The following ARMC6 variants were observed in gnomAD, a reference collection of about 807,000 sequenced individuals.
The protein encoded by ARMC6 is armadillo repeat-containing protein 6.
ARMC6 carries 43 observed loss-of-function variants against 49.2 expected under a neutral mutation model. That is an observed-to-expected ratio of 0.87 (90% CI 0.69 to 1.13). ARMC6 has a LOEUF of 1.13. ARMC6 is among the 50% of genes most tolerant of loss of function. The pLI is 0.00. For missense variants in ARMC6, 627 were observed against 682.0 expected (o/e 0.92, Z 0.90); for synonymous variants, 262 against 289.6 (o/e 0.90, Z 0.97).
At position 19,055,246 on chromosome 19, in the gene ARMC6, G is replaced by T; in HGVS notation, c.1024-19G>T. The stretch of plus-strand genomic sequence containing the variant: ...ACCAGCGGCCTGGCTGGAGGTGAGC[G>T]GGCCTTTCCCTTGTGCAGGAGCTCG... On this transcript the variant is annotated intron_variant, in intron 6 of 8. Transcript: ENST00000535612. This position sits in a 1 kb window ranked among gnomAD's most constrained non-coding sequence, Gnocchi z 5.7. 1 of 1,571,046 alleles carries T rather than the reference G, an allele frequency of 6.4e-7. No individual in the cohort carries two copies. The highest frequency in any genetic ancestry group is 8.6e-7 in the Non-Finnish European group (1 of 1,159,118).
intron 4 of ARMC6, 81 bp downstream of exon 4, chr19:19,044,155 AT>A: frequency 7.2e-7 from 1 of 1,394,084 alleles, no homozygotes; most frequent in Non-Finnish European, 1.0e-6. Flanking sequence ...GGATGGCAGA[AT>A]ACAGGCTCTG....
chr19:19,054,388 T>A, intron 6 of ARMC6, 67 bp downstream of exon 6: 1 of 1,410,664 alleles, frequency 7.1e-7, no homozygotes, highest in East Asian at 2.7e-5. Context: ...CGAGCTATAG[T>A]CAGAACAAGC....
chr19:19,050,930 A>G (rs1296130377), intron 4 of ARMC6, among the ~76,000 whole-genome samples: 3 of 152,232 alleles, frequency 2.0e-5, no homozygotes, highest in Non-Finnish European at 2.9e-5. Context: ...TCCCGAGGTC[A>G]TGTAGTTGAA....
chr19:19,035,825 T>G (rs554110736), intron 2 of ARMC6, among the ~76,000 whole-genome samples: 1 of 152,254 alleles, frequency 6.6e-6, no homozygotes, highest in South Asian at 2.1e-4. Context: ...CCTCAGGAGG[T>G]CCTGACAACA....
Position 19,055,978 on chromosome 19 carries a change from G to C in ARMC6, c.1293+50G>C, listed in dbSNP as rs1763638704. 6.4e-7 allele frequency: 1 copy of C among 1,573,302 alleles called. No homozygotes were observed. On this transcript the variant is annotated intron_variant, in intron 8 of 8. Coordinates refer to ENST00000535612, the MANE Select transcript of ARMC6 (RefSeq NM_001199196.2). The surrounding 1 kb of genome is among the most constrained non-coding windows in gnomAD (Gnocchi z 5.7). ...AGGCAGGCTGGTGTGGGATGTGCAGGTAGGTGCAGAGAGGGCATGGGAGCA... is the reference window on the plus strand; with the variant it reads ...AGGCAGGCTGGTGTGGGATGTGCAGCTAGGTGCAGAGAGGGCATGGGAGCA...
At chr19:19,045,066 A>T (rs2145857712) in intron 4 of ARMC6, among the ~76,000 whole-genome samples, 1 of 151,508 alleles carries the variant, frequency 6.6e-6, no homozygotes, top group African/African-American at 2.4e-5. Flanking sequence ...GCTGGTGTGC[A>T]CTGGCGTGAT....
chr19:19,051,375 C>CTCTCTGTGTGTG (rs372606082), intron 4 of ARMC6, among the ~76,000 whole-genome samples: 1 of 139,666 alleles, frequency 7.2e-6, no homozygotes, highest in Admixed American at 7.2e-5. Context: ...CTCTCTCTCT[C>CTCTCTGTGTGTG]TGTGTGTGTG....
intron 8 of ARMC6, among the ~76,000 whole-genome samples, chr19:19,056,661 C>G (rs963389132): frequency 6.6e-6 from 1 of 152,178 alleles, no homozygotes; most frequent in Admixed American, 6.5e-5. Context: ...TTTCTGCCCC[C>G]TCCTTGGGCT....
At chr19:19,034,763 AT>A (rs374571780) in intron 2 of ARMC6, among the ~76,000 whole-genome samples, 1,396 of 120,534 alleles carry the variant, frequency 0.012, 14 homozygotes, top group African/African-American at 0.033. Context: ...TAAATTTTGT[AT>A]TTTTTTTTTT....
chr19:19,034,799 C>A (rs1338365671), intron 2 of ARMC6, among the ~76,000 whole-genome samples: 1 of 148,012 alleles, frequency 6.8e-6, no homozygotes, highest in Non-Finnish European at 1.5e-5. Flanking sequence ...AAAAGGAGTT[C>A]AAGCGATCTC....
intron 8 of ARMC6, among the ~76,000 whole-genome samples, chr19:19,056,760 G>T (rs936093448): frequency 6.6e-6 from 1 of 152,056 alleles, no homozygotes; most frequent in Non-Finnish European, 1.5e-5. Flanking sequence ...GGCCCTCCTC[G>T]CCTCCTCACT....
chr19:19,050,079 G>A (rs1258470938), intron 4 of ARMC6, among the ~76,000 whole-genome samples: 2 of 152,166 alleles, frequency 1.3e-5, no homozygotes, highest in African/African-American at 4.8e-5. Context: ...TTTGGTGACT[G>A]TCTTATTTCA....
At chr19:19,040,689 G>A in intron 2 of ARMC6, 1 of 346,242 alleles carries the variant, frequency 2.9e-6, no homozygotes, top group South Asian at 2.0e-5. Context: ...CTGACTGTCA[G>A]CCAGGCTGGA....
At chr19:19,054,949 C>G (rs1341171930) in intron 6 of ARMC6, among the ~76,000 whole-genome samples, 1 of 152,236 alleles carries the variant, frequency 6.6e-6, no homozygotes, top group Non-Finnish European at 1.5e-5. Context: ...ACCTCATCCA[C>G]TGTCCTCAGT....
intron 2 of ARMC6, among the ~76,000 whole-genome samples, chr19:19,036,624 C>A (rs150702600): frequency 6.6e-6 from 1 of 152,310 alleles, no homozygotes; most frequent in East Asian, 1.9e-4. Flanking sequence ...TCACCTTTAA[C>A]CTTGGAAATC....
At chr19:19,044,142 C>T (rs1599638403) in intron 4 of ARMC6, 68 bp downstream of exon 4, 1 of 1,469,976 alleles carries the variant, frequency 6.8e-7, no homozygotes, top group East Asian at 2.3e-5. Context: ...TTCCCTGTTT[C>T]CTGGATGGCA....
chr19:19,044,181 C>T (rs2059431494), intron 4 of ARMC6, 107 bp downstream of exon 4: 1 of 1,160,620 alleles, frequency 8.6e-7, no homozygotes, highest in Non-Finnish European at 1.3e-6. Flanking sequence ...TCATGCCCTC[C>T]CCAGCATGCA....
At chr19:19,034,056 G>T in intron 1 of ARMC6, 75 bp from the exon 2 acceptor site, 1 of 618,476 alleles carries the variant, frequency 1.6e-6, no homozygotes, top group Non-Finnish European at 2.8e-6. Context: ...GAATTTTACA[G>T]AAGCCGCCTG....
intron 2 of ARMC6, among the ~76,000 whole-genome samples, chr19:19,041,704 A>C (rs2059413077): frequency 6.6e-6 from 1 of 152,216 alleles, no homozygotes; most frequent in African/African-American, 2.4e-5. Context: ...AAATGATACA[A>C]ATATATTGCA....
Sources: allele counts gnomAD v4.1 joint callset (sites outside exome capture counted in the v4.1 genomes callset), GRCh38; gene constraint gnomAD v4.1.1; non-coding constraint Gnocchi (gnomAD v3.1); transcripts MANE v1.5; gene names NCBI Gene and HGNC (gene_info 2026-07-23, HGNC 2026-07-21).